Variants in CDC73 observed in about 807,000 individuals in gnomAD.
CDC73 encodes the protein cell division cycle 73.
A neutral mutation model predicts 83.7 loss-of-function variants in CDC73; 21 were observed. The ratio of observed to expected loss-of-function variants is 0.25; its 90% confidence interval spans 0.18 to 0.36. CDC73 has a LOEUF of 0.36. CDC73 is among the 10% of genes least tolerant of loss of function. CDC73 has a pLI of 1.00. For synonymous variants in CDC73, 224 were observed against 212.9 expected, an observed-to-expected ratio of 1.05 and a Z score of -0.45; for missense variants, 342 against 653.3, an observed-to-expected ratio of 0.52 and a Z score of 5.19.
intron 13 of CDC73, among the ~76,000 whole-genome samples, chr1:193,231,345 C>T (rs1228641625): frequency 6.6e-6 from 1 of 152,040 alleles, no homozygotes; most frequent in African/African-American, 2.4e-5. Context: ...CAGTAGAATC[C>T]CTTTGTTCTG....
Position 193,141,865 on chromosome 1 carries a change from T to C in CDC73, c.528T>C (p.Ala176=), listed in dbSNP as rs1056131982. ...QTEQIRSLSE[A]MSVEKIAAIK... is the part of the protein sequence containing the mutation. ...TTGCTTTTAGGTCTTTGTCTGAAGC[T>C]ATGTCAGTGGAAAAAATTGCTGCAA... The change falls in exon 7 of 17, where the codon GCT becomes GCC. Residue 176 remains alanine, a synonymous_variant. Coordinates refer to ENST00000367435, the MANE Select transcript of CDC73 (RefSeq NM_024529.5). 6.2e-7 allele frequency: 1 copy of C among 1,612,750 alleles called. No homozygotes were observed.
At chr1:193,124,215 T>C (rs1203111249) in intron 1 of CDC73, among the ~76,000 whole-genome samples, 1 of 152,248 alleles carries the variant, frequency 6.6e-6, no homozygotes, top group East Asian at 1.9e-4. Context: ...TATGTGCACA[T>C]GCACATGGAA....
chr1:193,254,204 A>C lies in CDC73; in HGVS notation c.*3492A>C, dbSNP rs1290167434. 1.3e-5 allele frequency among the ~76,000 whole-genome samples: 2 copies of C among 151,378 alleles called. No individual in the cohort carries two copies. The highest frequency in any genetic ancestry group is 4.9e-5 in the African/African-American group (2 of 40,854). ...CTTTTTAAAAAAAGATTCTTAATAAAGAAATTATTGGTTTGTCTGGTTAAA... is the reference window on the plus strand; with the variant it reads ...CTTTTTAAAAAAAGATTCTTAATAACGAAATTATTGGTTTGTCTGGTTAAA... On this transcript the variant is annotated 3_prime_UTR_variant, in exon 17 of 17. Coordinates refer to ENST00000367435, the MANE Select transcript of CDC73 (RefSeq NM_024529.5).
chr1:193,236,425 A>G (rs1677759050), intron 15 of CDC73, 69 bp downstream of exon 15: 2 of 998,000 alleles, frequency 2.0e-6, no homozygotes, highest in Non-Finnish European at 1.6e-6. Flanking sequence ...AGAAACAGTC[A>G]TATAGTTCTG....
At chr1:193,200,547 G>A (rs917817083) in intron 10 of CDC73, among the ~76,000 whole-genome samples, 6 of 152,144 alleles carry the variant, frequency 3.9e-5, no homozygotes, top group Non-Finnish European at 8.8e-5. Flanking sequence ...AATGCCTCAA[G>A]TCTTGGTGAA....
intron 15 of CDC73, among the ~76,000 whole-genome samples, chr1:193,240,176 G>A (rs560194365): frequency 3.3e-5 from 5 of 152,190 alleles, no homozygotes; most frequent in South Asian, 4.1e-4. Flanking sequence ...TGTCCATGTC[G>A]CCTTGCCACA....
intron 15 of CDC73, among the ~76,000 whole-genome samples, chr1:193,245,661 G>A (rs1677941679): frequency 6.6e-6 from 1 of 152,044 alleles, no homozygotes; most frequent in Non-Finnish European, 1.5e-5. Context: ...CATTAATGAG[G>A]TTGCTGGATC....
chr1:193,135,974 TC>T (rs576321348), intron 5 of CDC73, among the ~76,000 whole-genome samples: 146 of 151,594 alleles, frequency 9.6e-4, no homozygotes, highest in African/African-American at 3.4e-3. Context: ...GTTTAAGTGA[TC>T]CCCCCACCTC....
chr1:193,140,616 C>T (rs1675887931), intron 6 of CDC73, among the ~76,000 whole-genome samples: 2 of 152,226 alleles, frequency 1.3e-5, no homozygotes, highest in East Asian at 3.9e-4. Flanking sequence ...CTGCCATAGT[C>T]GATCTGATAA....
chr1:193,212,057 TTTC>T lies in CDC73; in HGVS notation c.1031-7_1031-5del, dbSNP rs755481603. 6.3e-7 allele frequency: 1 copy of T among 1,578,804 alleles called. No individual in the cohort carries two copies. The highest frequency in any genetic ancestry group is 1.1e-5 in the South Asian group (1 of 87,590). On this transcript the variant is annotated splice_region_variant and splice_polypyrimidine_tract_variant and intron_variant, in intron 11 of 16. Transcript: ENST00000367435. ...ACACAGAGTTGTGATTTTTTTTCTT[TTTC>T]ACAGTTTCTCAAGCAAGACCTCCCC...
intron 10 of CDC73, among the ~76,000 whole-genome samples, chr1:193,188,799 A>T (rs6663162): frequency 0.62 from 94,706 of 151,760 alleles, 30,001 homozygotes; most frequent in South Asian, 0.77. Context: ...CTGAATTTCC[A>T]GTGGGACCCC....
chr1:193,141,185 A>T (rs900707526), intron 6 of CDC73: 1 of 152,250 alleles, frequency 6.6e-6, no homozygotes, highest in Non-Finnish European at 1.5e-5. Flanking sequence ...TTTACATGAT[A>T]AAAGACACTT....
At chr1:193,173,807 A>G (rs889995763) in intron 10 of CDC73, among the ~76,000 whole-genome samples, 2 of 152,196 alleles carry the variant, frequency 1.3e-5, no homozygotes, top group Non-Finnish European at 2.9e-5. Context: ...CACATTTATG[A>G]CATGATTTGT....
Position 193,252,641 on chromosome 1 carries a change from A to G in CDC73, c.*1929A>G, listed in dbSNP as rs931194459. On this transcript the variant is annotated 3_prime_UTR_variant, in exon 17 of 17. Coordinates refer to ENST00000367435, the MANE Select transcript of CDC73 (RefSeq NM_024529.5). ...ATAGGCTATAACCATCTATCTTAAA[A>G]TCAGACCCTTAGTATAAGCACCTCT... 6 of 231,426 alleles carry G rather than the reference A, an allele frequency of 2.6e-5. No homozygotes were observed. Among genetic ancestry groups the G allele is most frequent in the African/African-American group, 1.1e-4 (5 of 45,276 alleles). 14.3% of individuals were successfully genotyped at this position (231,426 alleles called of 1,614,324 possible). A position where few individuals can be genotyped will look rare whatever the true frequency, so the allele number is the denominator to read the frequency against.
chr1:193,122,348 T>C lies in CDC73; in HGVS notation c.131+17T>C, dbSNP rs748937817. ...TGTTTGGGGGTAAGTCCGGCATGGCTGTGGCCCAGGGGTGGCAGGGCAGAG... is the reference window on the plus strand; with the variant it reads ...TGTTTGGGGGTAAGTCCGGCATGGCCGTGGCCCAGGGGTGGCAGGGCAGAG... On this transcript the variant is annotated intron_variant, in intron 1 of 16. Coordinates refer to ENST00000367435, the MANE Select transcript of CDC73 (RefSeq NM_024529.5). 10 of 1,613,852 alleles carry C rather than the reference T, an allele frequency of 6.2e-6. No homozygotes were observed. The South Asian group carries it at 6.6e-5, about 11-fold the overall frequency.
At chr1:193,236,522 A>G (rs1677760847) in intron 15 of CDC73, among the ~76,000 whole-genome samples, 166 bp downstream of exon 15, 1 of 152,204 alleles carries the variant, frequency 6.6e-6, no homozygotes, top group Non-Finnish European at 1.5e-5. Flanking sequence ...AAAGCTTTGT[A>G]TATTAATACT....
chr1:193,225,356 TG>T, intron 13 of CDC73, among the ~76,000 whole-genome samples: 1 of 152,182 alleles, frequency 6.6e-6, no homozygotes, highest in Admixed American at 6.5e-5. Flanking sequence ...CGAATTGTGC[TG>T]CTGTAAACAT....
At chr1:193,163,126 A>G (rs1022599508) in intron 10 of CDC73, among the ~76,000 whole-genome samples, 1 of 151,296 alleles carries the variant, frequency 6.6e-6, no homozygotes, top group Non-Finnish European at 1.5e-5. Context: ...TAGGTACATT[A>G]TAATTCATCA....
chr1:193,240,542 C>A (rs151155826), intron 15 of CDC73, among the ~76,000 whole-genome samples: 3 of 152,106 alleles, frequency 2.0e-5, no homozygotes, highest in Non-Finnish European at 4.4e-5. Context: ...TTAGTAATAA[C>A]CCTTCTAATT....
Sources: allele counts gnomAD v4.1 joint callset (sites outside exome capture counted in the v4.1 genomes callset), GRCh38; gene constraint gnomAD v4.1.1; transcripts MANE v1.5; gene names NCBI Gene and HGNC (gene_info 2026-07-23, HGNC 2026-07-21).